The following GGA3 variants were observed in gnomAD, a reference collection of about 807,000 sequenced individuals.
GGA3 encodes ADP-ribosylation factor-binding protein GGA3.
Under a neutral mutation model 77.5 loss-of-function variants are expected in GGA3, and 57 were observed. The ratio of observed to expected loss-of-function variants is 0.74; its 90% confidence interval spans 0.59 to 0.92. The LOEUF (loss-of-function observed/expected upper bound fraction) is 0.92. Ranked by LOEUF, GGA3 falls within the 40% of genes least tolerant of loss-of-function variation. The pLI is 0.00. For missense variants in GGA3, 970 were observed against 914.9 expected, an observed-to-expected ratio of 1.06 and a Z score of -0.78; for synonymous variants, 416 against 383.7, an observed-to-expected ratio of 1.08 and a Z score of -0.98.
intron 1 of GGA3, among the ~76,000 whole-genome samples, chr17:75,250,830 C>A (rs1282034677): frequency 1.3e-5 from 2 of 148,358 alleles, no homozygotes; most frequent in African/African-American, 2.5e-5. Context: ...GTAATCCCAG[C>A]ACTTTGGGAG....
At chr17:75,251,435 C>T (rs926051471) in intron 1 of GGA3, among the ~76,000 whole-genome samples, 10 of 151,870 alleles carry the variant, frequency 6.6e-5, no homozygotes, top group African/African-American at 1.5e-4. Flanking sequence ...GGCCCAGGCA[C>T]GGTGGCTCAC....
At chr17:75,239,337 C>G in intron 14 of GGA3, 38 bp downstream of exon 14, 1 of 1,471,454 alleles carries the variant, frequency 6.8e-7, no homozygotes, top group East Asian at 2.3e-5. Flanking sequence ...TGGCTATAGG[C>G]CCCACCGCCC....
intron 11 of GGA3, 102 bp from the exon 12 acceptor site, chr17:75,240,514 G>T (rs2076509238): frequency 3.8e-6 from 3 of 779,334 alleles, no homozygotes. Flanking sequence ...ACATCAATGG[G>T]TGAAGGCGCC....
intron 1 of GGA3, among the ~76,000 whole-genome samples, chr17:75,260,017 C>T (rs2077296011): frequency 6.6e-6 from 1 of 152,088 alleles, no homozygotes; most frequent in Non-Finnish European, 1.5e-5. Flanking sequence ...AGCATGGTGG[C>T]GTGTGCCTAT....
At chr17:75,251,392 T>G (rs959243839) in intron 1 of GGA3, among the ~76,000 whole-genome samples, 1 of 151,440 alleles carries the variant, frequency 6.6e-6, no homozygotes, top group Non-Finnish European at 1.5e-5. Flanking sequence ...TTGGGCTAAT[T>G]TGGTACAGAA....
rs1463284419 is a variant in GGA3, at chr17:75,237,480, G to A, written c.*799C>T. 3 of 1,535,358 alleles carry A rather than the reference G, an allele frequency of 2.0e-6. No homozygotes were observed. Among genetic ancestry groups the A allele is most frequent in the Middle Eastern group, 1.7e-4 (1 of 5,990 alleles). Reference sequence around the variant, plus strand: ...CAAGCAAGAGGTAGTCAGTAGGATGGCCTGTCCCCACGGCTGGAGGCACGC... The same window carrying A: ...CAAGCAAGAGGTAGTCAGTAGGATGACCTGTCCCCACGGCTGGAGGCACGC... On this transcript the variant is annotated 3_prime_UTR_variant, in exon 17 of 17. Transcript: ENST00000537686.
chr17:75,261,437 G>A lies in GGA3; in HGVS notation c.40+111C>T, dbSNP rs1375904316. On this transcript the variant is annotated intron_variant, in intron 1 of 16. Transcript: ENST00000537686. ...GCTGCTCGCGGCGAGGGCGAGACCGGGCGTGGGCTGCCAAGAGGCGACGCC... is the reference window on the plus strand; with the variant it reads ...GCTGCTCGCGGCGAGGGCGAGACCGAGCGTGGGCTGCCAAGAGGCGACGCC... 1.1e-5 allele frequency: 9 copies of A among 826,958 alleles called. No homozygotes were observed. The South Asian group carries it at 2.0e-4, about 18-fold the overall frequency. The allele number at this position is 826,958 out of a possible 1,614,324, so 51.2% of individuals were successfully genotyped here.
intron 1 of GGA3, among the ~76,000 whole-genome samples, chr17:75,257,281 C>G (rs1193347839): frequency 8.7e-5 from 5 of 57,692 alleles, no homozygotes; most frequent in African/African-American, 1.3e-4. Flanking sequence ...AGACTGTGCC[C>G]CCCCCCCCAA....
chr17:75,261,959 G>GGCGGGCTGTCTTGCA, upstream of GGA3: 4 of 1,607,288 alleles, frequency 2.5e-6, no homozygotes, highest in Non-Finnish European at 3.4e-6. Context: ...TTGGGCGTGC[G>GGCGGGCTGTCTTGCA]GCGGGCTGTC....
At chr17:75,245,362 G>A (rs1188010554) in intron 3 of GGA3, among the ~76,000 whole-genome samples, 2 of 152,058 alleles carry the variant, frequency 1.3e-5, no homozygotes, top group Non-Finnish European at 2.9e-5. Flanking sequence ...TCTTCGTTGT[G>A]GGGGGCCACT....
chr17:75,237,105 T>G lies in GGA3; in HGVS notation c.*1174A>C. On this transcript the variant is annotated 3_prime_UTR_variant, in exon 17 of 17. Coordinates refer to ENST00000537686, the MANE Select transcript of GGA3 (RefSeq NM_138619.4). Reference sequence around the variant, plus strand: ...TTTTTTTTGTGACGGAGGCTTGGAGTACATGTCCCAGGATCACATCCAGCA... The same window carrying G: ...TTTTTTTTGTGACGGAGGCTTGGAGGACATGTCCCAGGATCACATCCAGCA... 3 of 279,256 alleles carry G rather than the reference T, an allele frequency of 1.1e-5. No homozygotes were observed. Among genetic ancestry groups the G allele is most frequent in the Non-Finnish European group, 2.0e-5 (3 of 146,652 alleles). 17.3% of individuals were successfully genotyped at this position (279,256 alleles called of 1,614,324 possible).
chr17:75,239,747 G>A (rs377017511), intron 13 of GGA3, 42 bp downstream of exon 13: 315 of 1,601,804 alleles, frequency 2.0e-4, no homozygotes, highest in Non-Finnish European at 2.5e-4. Flanking sequence ...GACACATTCA[G>A]GCCCAACCCT....
At chr17:75,260,393 CTG>C (rs1567811925) in intron 1 of GGA3, among the ~76,000 whole-genome samples, 1 of 152,196 alleles carries the variant, frequency 6.6e-6, no homozygotes, top group African/African-American at 2.4e-5. Context: ...TAATGAATAT[CTG>C]TAAAGTACTT....
upstream of GGA3, chr17:75,261,866 G>T: frequency 6.3e-7 from 1 of 1,597,886 alleles, no homozygotes. Context: ...GGCGCGCCGA[G>T]GGCAGTCCTT....
chr17:75,258,835 T>TTA (rs375950193), intron 1 of GGA3, among the ~76,000 whole-genome samples: 1 of 151,672 alleles, frequency 6.6e-6, no homozygotes, highest in African/African-American at 2.4e-5. Context: ...GTTTTTTTTT[T>TTA]TCCAACTTTT....
upstream of GGA3, chr17:75,261,997 G>A (rs1250233301): frequency 5.4e-6 from 8 of 1,495,216 alleles, no homozygotes; most frequent in Non-Finnish European, 6.2e-6. Context: ...AGAGGGTGGC[G>A]AGCAGCGGCG....
At chr17:75,246,652 A>C (rs2076768603) in intron 2 of GGA3, 60 bp downstream of exon 2, 1 of 1,594,370 alleles carries the variant, frequency 6.3e-7, no homozygotes, top group Non-Finnish European at 8.6e-7. Context: ...CTCCTTGGCC[A>C]TGGTTGTTCC....
chr17:75,256,730 G>GC (rs1206726725), intron 1 of GGA3, among the ~76,000 whole-genome samples: 5 of 151,688 alleles, frequency 3.3e-5, no homozygotes, highest in African/African-American at 9.7e-5. Context: ...GATTATTCAG[G>GC]CCCCCTCCCT....
intron 1 of GGA3, among the ~76,000 whole-genome samples, chr17:75,251,722 A>AG (rs2076973302): frequency 6.6e-6 from 1 of 151,122 alleles, no homozygotes; most frequent in South Asian, 2.1e-4. Flanking sequence ...AAAAAAAAAA[A>AG]AAAAAAGCAT....
Sources: gnomAD v4.1 joint callset for allele counts (sites outside exome capture counted in the v4.1 genomes callset) on GRCh38, gnomAD v4.1.1 for gene constraint, MANE v1.5 for transcripts, NCBI Gene and HGNC (gene_info 2026-07-23, HGNC 2026-07-21) for gene names.